CALN1: variants seen among roughly 807,000 people sequenced by gnomAD.
CALN1 encodes calcium-binding protein 8.
Under a neutral mutation model 30.6 loss-of-function variants are expected in CALN1, and 17 were observed. That is an observed-to-expected ratio of 0.56 (90% confidence interval 0.38 to 0.83). The LOEUF (loss-of-function observed/expected upper bound fraction) is 0.83, where lower values mean the gene tolerates loss of function less well. Among genes scored for constraint, CALN1 ranks in the 40% least tolerant of loss-of-function variants. The pLI, the probability that CALN1 is intolerant of heterozygous loss-of-function variation, is 0.00. For synonymous variants in CALN1, 156 were observed against 131.4 expected (o/e 1.19, Z -1.28); for missense variants, 291 against 354.9 (o/e 0.82, Z 1.45).
intron 5 of CALN1, among the ~76,000 whole-genome samples, chr7:71,962,150 T>C (rs1446614602): frequency 6.6e-6 from 1 of 151,938 alleles, no homozygotes; most frequent in African/African-American, 2.4e-5. Flanking sequence ...CCCAGCATTT[T>C]GAGAGGCCAA....
intron 1 of CALN1, among the ~76,000 whole-genome samples, chr7:72,410,621 T>C (rs1165287226): frequency 1.3e-5 from 2 of 152,244 alleles, no homozygotes; most frequent in Non-Finnish European, 2.9e-5. Context: ...TGTCCCTTCA[T>C]GTCCTGGCTT....
chr7:72,454,270 T>G, the CALN1 span, among the ~76,000 whole-genome samples: 8 of 152,038 alleles, frequency 5.3e-5, no homozygotes, highest in African/African-American at 1.9e-4. Flanking sequence ...TGCCCTAGGC[T>G]AGGAGGTCTA....
chr7:72,180,909 C>A (rs1364927828), intron 3 of CALN1, among the ~76,000 whole-genome samples: 1 of 151,898 alleles, frequency 6.6e-6, no homozygotes, highest in African/African-American at 2.4e-5. Flanking sequence ...ACCAGCCTGG[C>A]CAACACAGTG....
intron 4 of CALN1, among the ~76,000 whole-genome samples, chr7:72,044,838 T>G (rs557584293): frequency 5.1e-4 from 77 of 152,112 alleles, no homozygotes; most frequent in African/African-American, 1.8e-3. Flanking sequence ...CAGGCCGATC[T>G]CCACCTCCTG....
At chr7:72,407,399 G>C (rs1562954524) in intron 1 of CALN1, among the ~76,000 whole-genome samples, 1 of 152,198 alleles carries the variant, frequency 6.6e-6, no homozygotes, top group African/African-American at 2.4e-5. Context: ...CCCAATGTTG[G>C]AGGTGGGGCC....
intron 3 of CALN1, among the ~76,000 whole-genome samples, chr7:72,246,486 C>T (rs183888436): frequency 2.3e-4 from 35 of 152,220 alleles, no homozygotes; most frequent in Admixed American, 1.6e-3. Flanking sequence ...GTGTCACCTG[C>T]CAGGCTAACT....
intron 1 of CALN1, among the ~76,000 whole-genome samples, chr7:72,424,657 C>T (rs73364998): frequency 0.023 from 3,559 of 151,990 alleles, 122 homozygotes; most frequent in African/African-American, 0.078. Context: ...AATGCAGTGG[C>T]GTGATCATAG....
intron 2 of CALN1, among the ~76,000 whole-genome samples, chr7:72,392,705 G>A: frequency 6.6e-6 from 1 of 152,190 alleles, no homozygotes; most frequent in Non-Finnish European, 1.5e-5. Context: ...GGTCAATGCA[G>A]TGGCACATAT....
At chr7:72,151,870 C>G (rs917556428) in intron 3 of CALN1, among the ~76,000 whole-genome samples, 2 of 151,580 alleles carry the variant, frequency 1.3e-5, no homozygotes, top group Admixed American at 6.6e-5. Flanking sequence ...TATCACCACA[C>G]CTGGCTATTT....
intron 5 of CALN1, among the ~76,000 whole-genome samples, chr7:71,940,878 C>T (rs1796094146): frequency 6.6e-6 from 1 of 152,158 alleles, no homozygotes; most frequent in African/African-American, 2.4e-5. Context: ...TCCCAAGGTG[C>T]TGAGATTACA....
intron 2 of CALN1, chr7:72,337,212 G>A: frequency 1.0e-6 from 1 of 985,168 alleles, no homozygotes; most frequent in Non-Finnish European, 1.2e-6. Flanking sequence ...ATCCCCCAGG[G>A]CCTTGCCGCC....
At chr7:72,021,435 T>C (rs1171526030) in intron 5 of CALN1, among the ~76,000 whole-genome samples, 1 of 152,134 alleles carries the variant, frequency 6.6e-6, no homozygotes, top group African/African-American at 2.4e-5. Flanking sequence ...ACAATATTCC[T>C]TCATCTTCTG....
At chr7:72,058,825 G>T (rs1405280964) in intron 4 of CALN1, among the ~76,000 whole-genome samples, 1 of 152,070 alleles carries the variant, frequency 6.6e-6, no homozygotes, top group African/African-American at 2.4e-5. Flanking sequence ...AGTGCAAAAG[G>T]ACAGTGACGT....
intron 4 of CALN1, among the ~76,000 whole-genome samples, chr7:72,057,150 T>C (rs1319178379): frequency 1.3e-5 from 2 of 152,026 alleles, no homozygotes; most frequent in Non-Finnish European, 2.9e-5. Flanking sequence ...TCTCACCATG[T>C]TGCCCAGACT....
intron 1 of CALN1, among the ~76,000 whole-genome samples, chr7:72,446,718 G>T (rs13230359): frequency 1.3e-5 from 2 of 151,976 alleles, no homozygotes; most frequent in Non-Finnish European, 2.9e-5. Context: ...GGACCCGGCC[G>T]GGAGGAAATG....
the CALN1 span, among the ~76,000 whole-genome samples, chr7:72,502,326 T>C: frequency 1.3e-5 from 2 of 150,062 alleles, no homozygotes; most frequent in African/African-American, 4.9e-5. Flanking sequence ...GAAGATATAA[T>C]TTCTTAAACA....
chr7:72,400,250 C>T (rs1407556068), intron 2 of CALN1, among the ~76,000 whole-genome samples: 3 of 152,162 alleles, frequency 2.0e-5, no homozygotes, highest in Non-Finnish European at 2.9e-5. Context: ...TGACCCTCTT[C>T]TCTTGGGCAC....
intron 3 of CALN1, among the ~76,000 whole-genome samples, chr7:72,234,164 T>G (rs555059034): frequency 6.6e-6 from 1 of 152,266 alleles, no homozygotes; most frequent in Admixed American, 6.5e-5. Flanking sequence ...ACCACAAAGA[T>G]AGAGGCAGTT....
intron 5 of CALN1, among the ~76,000 whole-genome samples, chr7:71,860,939 C>G (rs184279427): frequency 6.6e-6 from 1 of 152,124 alleles, no homozygotes; most frequent in African/African-American, 2.4e-5. Flanking sequence ...TCTCTGTGAT[C>G]AGGAGACCAA....
Sources: allele counts gnomAD v4.1 joint callset (sites outside exome capture counted in the v4.1 genomes callset), GRCh38; gene constraint gnomAD v4.1.1; transcripts MANE v1.5; gene names NCBI Gene and HGNC (gene_info 2026-07-23, HGNC 2026-07-21).